Variants in DNAH11 observed in about 807,000 individuals in gnomAD.
DNAH11 encodes the protein dynein axonemal heavy chain 11.
DNAH11 carries 442 observed loss-of-function variants against 526.0 expected under a neutral mutation model. The observed-to-expected ratio is 0.84, with a 90% CI of 0.78 to 0.91. DNAH11 has a LOEUF of 0.91. Among genes scored for constraint, DNAH11 ranks in the 40% least tolerant of loss-of-function variants. DNAH11 has a pLI of 0.00. For missense variants in DNAH11, 6,989 were observed against 5,448.7 expected, an observed-to-expected ratio of 1.28 and a Z score of -8.90; for synonymous variants, 2,461 against 1,935.9, an observed-to-expected ratio of 1.27 and a Z score of -7.12.
rs1232086438 is a variant in DNAH11, at chr7:21,801,140, C to G, written c.10030C>G (p.Leu3344Val). The part of the protein sequence containing the change: ...LEAIRKKLVD[L>V]DRNLSRLTAS... ...AGTTAATTCAACTCTGATTCAGGAT[C>G]TGGATCGAAATCTGAGCAGACTCAC... Residue 3344 changes from leucine (L) to valine (V), a missense_variant, in exon 62 of 82, where the codon CTG becomes GTG. Leu to Val is a conservative substitution (Grantham distance 32, BLOSUM62 1). Transcript: ENST00000409508. 6.2e-7 allele frequency: 1 copy of G among 1,606,396 alleles called. No homozygotes were observed. Among genetic ancestry groups the G allele is most frequent in the Non-Finnish European group, 8.5e-7 (1 of 1,175,864 alleles).
chr7:21,857,255 T>C (rs1782887517), intron 68 of DNAH11, among the ~76,000 whole-genome samples: 1 of 152,172 alleles, frequency 6.6e-6, no homozygotes, highest in Non-Finnish European at 1.5e-5. Context: ...GGAATAATTT[T>C]AATAAAATAT....
intron 79 of DNAH11, among the ~76,000 whole-genome samples, chr7:21,898,303 C>T (rs1013792161): frequency 6.6e-6 from 1 of 152,188 alleles, no homozygotes; most frequent in Non-Finnish European, 1.5e-5. Context: ...TCTGGAAGAA[C>T]TTAATATAGG....
intron 7 of DNAH11, 21 bp from the exon 8 acceptor site, chr7:21,571,785 T>G: frequency 6.3e-7 from 1 of 1,592,412 alleles, no homozygotes; most frequent in Non-Finnish European, 8.5e-7. Context: ...TGGAAAGGTC[T>G]TTACTGTGTT....
At chr7:21,879,250 G>C (rs771523580) in intron 74 of DNAH11, among the ~76,000 whole-genome samples, 2 of 151,754 alleles carry the variant, frequency 1.3e-5, no homozygotes, top group East Asian at 3.9e-4. Context: ...TCAGGAGTTC[G>C]AGACCACCCT....
At chr7:21,833,630 G>A (rs572372842) in intron 65 of DNAH11, among the ~76,000 whole-genome samples, 79 of 152,178 alleles carry the variant, frequency 5.2e-4, no homozygotes, top group African/African-American at 1.9e-3. Context: ...AGGAAGTAGA[G>A]GTTGCAGTGA....
intron 44 of DNAH11, 57 bp downstream of exon 44, chr7:21,720,913 T>A (rs959295340): frequency 3.2e-5 from 51 of 1,583,546 alleles, no homozygotes; most frequent in Non-Finnish European, 4.2e-5. Context: ...GACAGGGTCA[T>A]GGGGAGGTTA....
chr7:21,771,181 G>GC (rs1787419755), intron 55 of DNAH11, among the ~76,000 whole-genome samples: 1 of 152,138 alleles, frequency 6.6e-6, no homozygotes, highest in Non-Finnish European at 1.5e-5. Flanking sequence ...TCTTTCACCT[G>GC]CCCCTTTCTC....
At chr7:21,870,338 G>A (rs757701153) in intron 73 of DNAH11, among the ~76,000 whole-genome samples, 1 of 152,186 alleles carries the variant, frequency 6.6e-6, no homozygotes, top group Non-Finnish European at 1.5e-5. Flanking sequence ...GAAGCTTCCA[G>A]AGTCCAAGCA....
At position 21,744,896 on chromosome 7, in the gene DNAH11, A is replaced by C. The variant is rs568636384; in HGVS notation, c.8343A>C (p.Gln2781His). The change falls in exon 51 of 82, where the codon CAA (glutamine) becomes CAC (histidine). Residue 2781 changes from glutamine to histidine, a missense_variant. Transcript: ENST00000409508. ...FEGIDSHMLLQQPLIYCHFAD... is the reference protein window; with the variant it reads ...FEGIDSHMLLHQPLIYCHFAD... Reference sequence around the variant, plus strand: ...GTATAGATAGTCACATGCTGCTTCAACAGCCCCTCATTTATTGCCACTTTG... The same window carrying C: ...GTATAGATAGTCACATGCTGCTTCACCAGCCCCTCATTTATTGCCACTTTG... 9.8e-5 allele frequency: 158 copies of C among 1,610,626 alleles called. 2 individuals carry two copies. In the South Asian group the frequency reaches 1.7e-3, roughly 18 times the overall value.
At chr7:21,878,230 C>G (rs1405330775) in intron 74 of DNAH11, among the ~76,000 whole-genome samples, 1 of 152,090 alleles carries the variant, frequency 6.6e-6, no homozygotes, top group African/African-American at 2.4e-5. Context: ...ATATTTTTTT[C>G]CTGCATCATT....
At chr7:21,656,017 AG>A in intron 29 of DNAH11, 36 bp downstream of exon 29, 1 of 1,536,806 alleles carries the variant, frequency 6.5e-7, no homozygotes, top group South Asian at 1.3e-5. Context: ...ATGCTAGGGG[AG>A]TATTTTCAGC....
chr7:21,709,601 A>G (rs1297037063), intron 40 of DNAH11, among the ~76,000 whole-genome samples: 1 of 152,224 alleles, frequency 6.6e-6, no homozygotes, highest in African/African-American at 2.4e-5. Flanking sequence ...TAAAAATAGT[A>G]ATAATAAAGC....
chr7:21,566,947 C>A (rs1033351144), intron 6 of DNAH11, among the ~76,000 whole-genome samples: 6 of 152,242 alleles, frequency 3.9e-5, no homozygotes, highest in African/African-American at 1.2e-4. Context: ...ATGTAAGTTG[C>A]TTCCAGCCTC....
intron 29 of DNAH11, 35 bp from the exon 30 acceptor site, chr7:21,658,763 A>T (rs775219870): frequency 6.6e-7 from 1 of 1,505,738 alleles, no homozygotes; most frequent in South Asian, 1.3e-5. Context: ...TCCATAGTTA[A>T]GCCTGTGTTA....
chr7:21,698,064 T>G lies in DNAH11; in HGVS notation c.6042-11T>G. The G allele has an allele frequency of 6.3e-7, 1 of 1,599,208 alleles. No individual in the cohort carries two copies. Among genetic ancestry groups the G allele is most frequent in the African/African-American group, 1.3e-5 (1 of 74,206 alleles). On this transcript the variant is annotated splice_polypyrimidine_tract_variant and intron_variant, in intron 35 of 81. Coordinates refer to ENST00000409508, the MANE Select transcript of DNAH11 (RefSeq NM_001277115.2). ...CACATTTTAAAACTAAAATTCTTAT[T>G]TACTTTTTAGACCCTGTGCCATGGT... is the stretch of plus-strand genomic sequence containing the variant.
chr7:21,832,433 T>A (rs1781823356), intron 65 of DNAH11, among the ~76,000 whole-genome samples: 1 of 152,218 alleles, frequency 6.6e-6, no homozygotes, highest in Non-Finnish European at 1.5e-5. Flanking sequence ...GAAGCTTAGT[T>A]TGGCTGGCTT....
chr7:21,729,462 T>G (rs1785277817), intron 45 of DNAH11, among the ~76,000 whole-genome samples: 2 of 152,236 alleles, frequency 1.3e-5, no homozygotes, highest in Admixed American at 1.3e-4. Context: ...TCCCAAATCT[T>G]TAAGTTCTAG....
intron 30 of DNAH11, among the ~76,000 whole-genome samples, chr7:21,661,826 A>T (rs938348796): frequency 6.7e-6 from 1 of 149,624 alleles, no homozygotes; most frequent in Non-Finnish European, 1.5e-5. Flanking sequence ...GGAAAATACT[A>T]TTTTTTTTTT....
Position 21,731,126 on chromosome 7 carries a change from A to G in DNAH11, c.7441-4514A>G, listed in dbSNP as rs1785365228. On this transcript the variant is annotated intron_variant, in intron 45 of 81. Coordinates refer to ENST00000409508, the MANE Select transcript of DNAH11 (RefSeq NM_001277115.2). ...GCTATTGGACTCCATCCTGGGCAAC[A>G]AGAGTGAAACTGTCTCCGAAAAAAA... Among the ~76,000 whole-genome samples the G allele has an allele frequency of 2.0e-5, 3 of 152,200 alleles. No individual in the cohort carries two copies. The South Asian group carries it at 6.2e-4, about 32-fold the overall frequency.
Sources: allele counts gnomAD v4.1 joint callset (sites outside exome capture counted in the v4.1 genomes callset), GRCh38; gene constraint gnomAD v4.1.1; transcripts MANE v1.5; gene names NCBI Gene and HGNC (gene_info 2026-07-23, HGNC 2026-07-21).